CCDC30: variants seen among roughly 807,000 people sequenced by gnomAD.
CCDC30 encodes coiled-coil domain containing 30, also known as coiled-coil domain-containing protein 30.
CCDC30 carries 70 observed loss-of-function variants against 100.2 expected under a neutral mutation model. The ratio of observed to expected loss-of-function variants is 0.70; its 90% CI spans 0.58 to 0.85. The LOEUF (loss-of-function observed/expected upper bound fraction) is 0.85, where lower values mean the gene tolerates loss of function less well. Among genes scored for constraint, CCDC30 ranks in the 40% least tolerant of loss-of-function variants. CCDC30 has a pLI of 0.00. For synonymous variants in CCDC30, 233 were observed against 269.5 expected (o/e 0.86, Z 1.33); for missense variants, 652 against 771.2 (o/e 0.85, Z 1.83).
At chr1:42,475,803 G>A (rs1643875411) in intron 1 of CCDC30, among the ~76,000 whole-genome samples, 1 of 151,936 alleles carries the variant, frequency 6.6e-6, no homozygotes, top group South Asian at 2.1e-4. Flanking sequence ...TCATGTCCTA[G>A]TTTTAGTGAT....
chr1:42,580,840 A>G lies in CCDC30; in HGVS notation c.847-520A>G, dbSNP rs1019664438. 2.7e-4 allele frequency: 125 copies of G among 456,086 alleles called. 2 individuals are homozygous for G. The Admixed American group carries it at 2.9e-3, about 10-fold the overall frequency. 28.3% of individuals were successfully genotyped at this position (456,086 alleles called of 1,614,324 possible). A position where few individuals can be genotyped will look rare whatever the true frequency, so the allele number is the denominator to read the frequency against. ...TCTATTTTGTTTTGCAGTGTTATTC[A>G]TGAATCTAGCCACACTGTGGAGAAA... is the stretch of plus-strand genomic sequence containing the variant. On this transcript the variant is annotated intron_variant, in intron 8 of 16. Transcript: ENST00000668663.
At chr1:42,503,095 G>A (rs11806887) in intron 6 of CCDC30, among the ~76,000 whole-genome samples, 30,461 of 151,990 alleles carry the variant, frequency 0.2, 3,332 homozygotes, top group South Asian at 0.42. Context: ...ATGTCACCCA[G>A]GCTAGTTTCA....
At chr1:42,616,163 G>A (rs1400775057) in intron 11 of CCDC30, among the ~76,000 whole-genome samples, 8 of 152,110 alleles carry the variant, frequency 5.3e-5, no homozygotes, top group Non-Finnish European at 7.4e-5. Context: ...CGATCCACTC[G>A]CCTTGGCCTC....
At chr1:42,478,616 A>C (rs775786919) in intron 1 of CCDC30, among the ~76,000 whole-genome samples, 2 of 152,072 alleles carry the variant, frequency 1.3e-5, no homozygotes, top group Non-Finnish European at 2.9e-5. Context: ...AAAATTAGCC[A>C]GGCATGGTGG....
At chr1:42,546,443 G>A (rs1645145981) in intron 6 of CCDC30, among the ~76,000 whole-genome samples, 5 of 92,998 alleles carry the variant, frequency 5.4e-5, no homozygotes, top group Non-Finnish European at 9.2e-5. Flanking sequence ...TATATATATA[G>A]TATTCTAATA....
At chr1:42,629,077 G>A (rs1350115821) in intron 11 of CCDC30, among the ~76,000 whole-genome samples, 1 of 152,132 alleles carries the variant, frequency 6.6e-6, no homozygotes. Flanking sequence ...TACAGTTACA[G>A]TGTTATATTT....
chr1:42,623,828 T>C (rs962651246), intron 11 of CCDC30, among the ~76,000 whole-genome samples: 2 of 152,208 alleles, frequency 1.3e-5, no homozygotes, highest in Non-Finnish European at 1.5e-5. Flanking sequence ...TTTGGTAATA[T>C]GGACATTTTA....
chr1:42,598,334 T>C (rs1342816069), intron 10 of CCDC30, among the ~76,000 whole-genome samples: 1 of 151,258 alleles, frequency 6.6e-6, no homozygotes, highest in Non-Finnish European at 1.5e-5. Context: ...CTGGGCAACA[T>C]AGTGATAACC....
At position 42,577,044 on chromosome 1, in the gene CCDC30, C is replaced by T. The variant is rs781313389; in HGVS notation, c.661C>T (p.Gln221Ter). The stretch of plus-strand genomic sequence containing the variant: ...GATAAAGATTGAACTAAAGCATGCC[C>T]AACAGAAGTTATTAGACAGCACAAA... The change falls in exon 8 of 17, where the codon CAA becomes TAA. Residue 221 changes from glutamine (Q) to a stop codon, truncating the protein, a stop_gained. Transcript: ENST00000668663. LOFTEE classifies it high-confidence loss of function. 1 of 1,613,534 alleles carries T rather than the reference C, an allele frequency of 6.2e-7. No homozygotes were observed. Among genetic ancestry groups the T allele is most frequent in the South Asian group, 1.1e-5 (1 of 91,034 alleles).
At chr1:42,581,122 T>C in intron 8 of CCDC30, 2 of 406,718 alleles carry the variant, frequency 4.9e-6, no homozygotes, top group South Asian at 5.0e-5. Flanking sequence ...ATTACAGGCG[T>C]GAGCCAGCAT....
chr1:42,648,128 C>T (rs922655839), intron 15 of CCDC30, among the ~76,000 whole-genome samples: 29 of 151,806 alleles, frequency 1.9e-4, no homozygotes, highest in African/African-American at 5.1e-4. Flanking sequence ...TTAGTAGAGA[C>T]GGGGTTTCTC....
At chr1:42,473,525 A>G (rs1231220307) in intron 1 of CCDC30, 10 of 374,220 alleles carry the variant, frequency 2.7e-5, no homozygotes, top group African/African-American at 6.2e-5. Flanking sequence ...CTGGCTGAAC[A>G]TCTAAACAGG....
At chr1:42,518,419 T>C (rs1369577433) in intron 6 of CCDC30, among the ~76,000 whole-genome samples, 3 of 152,234 alleles carry the variant, frequency 2.0e-5, no homozygotes, top group African/African-American at 7.2e-5. Flanking sequence ...GAGATATCGT[T>C]ATGCAGCATA....
chr1:42,644,631 T>C (rs1647726664), intron 13 of CCDC30, 62 bp from the exon 18 acceptor site: 6 of 988,234 alleles, frequency 6.1e-6, no homozygotes, highest in Non-Finnish European at 9.6e-6. Context: ...GGGATGTAGT[T>C]TTGGGTTTTT....
chr1:42,523,194 C>T (rs1449699618), intron 6 of CCDC30, among the ~76,000 whole-genome samples: 1 of 152,106 alleles, frequency 6.6e-6, no homozygotes, highest in Admixed American at 6.6e-5. Flanking sequence ...TTTCATATGG[C>T]TTTGGGTTGT....
rs960769120 is a variant in CCDC30, at chr1:42,644,591, G to A, written c.1557-102G>A. 17 of 681,946 alleles carry A rather than the reference G, an allele frequency of 2.5e-5. No individual in the cohort carries two copies. The African/African-American group carries it at 2.9e-4, about 11-fold the overall frequency. The allele number at this position is 681,946 out of a possible 1,614,324, so 42.2% of individuals were successfully genotyped here. ...CAAACTTGCTTCTAAAATCTGGACAGTAGTCTAAGATCCGGGGCCAGTGGG... is the reference window on the plus strand; with the variant it reads ...CAAACTTGCTTCTAAAATCTGGACAATAGTCTAAGATCCGGGGCCAGTGGG... On this transcript the variant is annotated intron_variant, in intron 13 of 16. Transcript: ENST00000668663.
upstream of CCDC30, chr1:42,459,520 T>G (rs115892424): frequency 8.7e-4 from 1,036 of 1,197,004 alleles, 10 homozygotes; most frequent in African/African-American, 0.013. Flanking sequence ...CCCACTTAAA[T>G]TTAATTCCTT....
At chr1:42,553,937 C>G (rs1175851346) in intron 6 of CCDC30, among the ~76,000 whole-genome samples, 1 of 152,066 alleles carries the variant, frequency 6.6e-6, no homozygotes, top group African/African-American at 2.4e-5. Flanking sequence ...GAATAAAACA[C>G]TCCCTAGACA....
At chr1:42,522,099 C>A (rs1277577184) in intron 6 of CCDC30, among the ~76,000 whole-genome samples, 1 of 152,038 alleles carries the variant, frequency 6.6e-6, no homozygotes, top group Non-Finnish European at 1.5e-5. Flanking sequence ...TAAATTATCT[C>A]TAGATTACTT....
Sources: allele counts gnomAD v4.1 joint callset (sites outside exome capture counted in the v4.1 genomes callset), GRCh38; gene constraint gnomAD v4.1.1; transcripts MANE v1.5; gene names NCBI Gene and HGNC (gene_info 2026-07-23, HGNC 2026-07-21).